The following ARNT variants were observed in gnomAD, a reference collection of about 807,000 sequenced individuals.
ARNT encodes the protein class E basic helix-loop-helix protein 2.
In ARNT, 30 loss-of-function variants were observed where a neutral mutation model predicts 105.0. The observed-to-expected ratio is 0.29, with a 90% confidence interval of 0.21 to 0.39. The LOEUF (loss-of-function observed/expected upper bound fraction) is 0.39. ARNT is among the 10% of genes least tolerant of loss of function. The pLI, the probability that ARNT is intolerant of heterozygous loss-of-function variation, is 1.00. For synonymous variants in ARNT, 304 were observed against 344.0 expected (o/e 0.88, Z 1.29); for missense variants, 748 against 978.7 (o/e 0.76, Z 3.15).
chr1:150,873,900 A>G (rs1049331528), intron 1 of ARNT, among the ~76,000 whole-genome samples: 6 of 152,032 alleles, frequency 3.9e-5, no homozygotes, highest in Non-Finnish European at 8.8e-5. Context: ...AGTCTGGGAG[A>G]CAGAGCAAGA....
In ARNT at chr1:150,833,108, T is replaced by C. The variant is rs114641696; in HGVS notation, c.804-709A>G. Among the ~76,000 whole-genome samples the C allele has an allele frequency of 3.7e-3, 567 of 152,302 alleles. 8 individuals carry two copies. Among genetic ancestry groups the C allele is most frequent in the African/African-American group, 0.013 (535 of 41,562 alleles). On this transcript the variant is annotated intron_variant, in intron 8 of 21. Transcript: ENST00000358595. The stretch of plus-strand genomic sequence containing the variant: ...ATGATGAAATCAAAGCACAATGTAG[T>C]CATGTAATCATCCAAGGTTTCAGAA...
Position 150,824,208 on chromosome 1 carries a change from C to T in ARNT, c.1243-863G>A, listed in dbSNP as rs116191890. On this transcript the variant is annotated intron_variant, in intron 13 of 21. Transcript: ENST00000358595. The stretch of plus-strand genomic sequence containing the variant: ...CATTTTTTGCCATTTAAAAAAATGG[C>T]AAAAAATCACAATTTCTTTTGCACC... Among the ~76,000 whole-genome samples, 1,264 of 150,990 alleles carry T rather than the reference C, an allele frequency of 8.4e-3. 25 individuals are homozygous for T. Among genetic ancestry groups the T allele is most frequent in the African/African-American group, 0.03 (1,218 of 41,192 alleles).
chr1:150,830,135 G>A, intron 10 of ARNT, 155 bp from the exon 11 acceptor site: 1 of 723,818 alleles, frequency 1.4e-6, no homozygotes, highest in Non-Finnish European at 2.2e-6. Context: ...AAGGTGGGCG[G>A]ATCACTTGAG....
chr1:150,839,783 C>G (rs1660952331), intron 5 of ARNT, 129 bp from the exon 6 acceptor site: 3 of 990,416 alleles, frequency 3.0e-6, no homozygotes, highest in Non-Finnish European at 4.4e-6. Flanking sequence ...GCTTAAGTCT[C>G]AGCAGTTAAA....
intron 21 of ARNT, 31 bp downstream of exon 21, chr1:150,813,141 C>T: frequency 1.9e-6 from 3 of 1,602,666 alleles, no homozygotes; most frequent in Middle Eastern, 1.7e-4. Flanking sequence ...CTCCCAGCTT[C>T]TAATTTTTGA....
At chr1:150,859,081 ATT>A (rs201410554) in intron 1 of ARNT, among the ~76,000 whole-genome samples, 1 of 130,964 alleles carries the variant, frequency 7.6e-6, no homozygotes, top group Non-Finnish European at 1.7e-5. Flanking sequence ...TAATATACTA[ATT>A]TTAAAAAAAT....
chr1:150,831,793 A>G, intron 10 of ARNT, 25 bp downstream of exon 10: 1 of 1,553,798 alleles, frequency 6.4e-7, no homozygotes, highest in South Asian at 1.1e-5. Context: ...ACCAAGGGGA[A>G]ATATTTACTA....
rs587762222 is a variant in ARNT, at chr1:150,847,412, C to A, written c.183-1105G>T. 1.4e-4 allele frequency among the ~76,000 whole-genome samples: 15 copies of A among 106,646 alleles called. No individual in the cohort carries two copies. In the East Asian group the frequency reaches 4.3e-3, roughly 31 times the overall value. The allele number at this position is 106,646 out of a possible 152,430, so 70.0% of individuals were successfully genotyped here. ...CACCACTGCATTTGTGGCAACAGAGCGAGACTCCGTCTCAAAAAAAAAAAA... is the reference window on the plus strand; with the variant it reads ...CACCACTGCATTTGTGGCAACAGAGAGAGACTCCGTCTCAAAAAAAAAAAA... On this transcript the variant is annotated intron_variant, in intron 3 of 21. Transcript: ENST00000358595.
intron 1 of ARNT, among the ~76,000 whole-genome samples, chr1:150,872,897 G>A (rs1490916139): frequency 6.6e-6 from 1 of 152,150 alleles, no homozygotes; most frequent in Non-Finnish European, 1.5e-5. Context: ...AGAAGGTCAA[G>A]GCTGCAGTGA....
intron 1 of ARNT, among the ~76,000 whole-genome samples, chr1:150,872,211 G>C (rs1048394250): frequency 4.6e-5 from 7 of 152,060 alleles, no homozygotes; most frequent in African/African-American, 1.7e-4. Context: ...GCCTGCCTCG[G>C]CCTCCCAAAG....
chr1:150,858,403 G>C lies in ARNT; in HGVS notation c.83C>G (p.Pro28Arg). 1 of 1,610,208 alleles carries C rather than the reference G, an allele frequency of 6.2e-7. No homozygotes were observed. The highest frequency in any genetic ancestry group is 8.5e-7 in the Non-Finnish European group (1 of 1,178,258). ...AATGGCTCCTCCACCTTGAATTCCA[G>C]GTCCAGAGTTTCCAGAGGCAATGGC... ...GPAIASGNSGPGIQGGGAIVQ... is the reference protein window; with the variant it reads ...GPAIASGNSGRGIQGGGAIVQ... Residue 28 changes from proline (P) to arginine (R), a missense_variant, in exon 2 of 22, where the codon CCT becomes CGT. Pro to Arg is a moderately radical substitution (Grantham distance 103). This residue lies in a region of ARNT where 93 missense variants were observed against 101.6 expected (regional missense o/e 0.92). Transcript: ENST00000358595.
At chr1:150,842,523 A>C in intron 4 of ARNT, 55 bp from the exon 5 acceptor site, 1 of 1,099,426 alleles carries the variant, frequency 9.1e-7, no homozygotes, top group Non-Finnish European at 1.3e-6. Context: ...GAAGGAAGGA[A>C]GGGGGGAGGG....
intron 2 of ARNT, among the ~76,000 whole-genome samples, chr1:150,857,652 G>A (rs1664872694): frequency 6.6e-6 from 1 of 152,068 alleles, no homozygotes; most frequent in African/African-American, 2.4e-5. Context: ...CATTCTTCCA[G>A]GCCCCTCTAA....
At chr1:150,827,369 G>C (rs1400440213) in intron 12 of ARNT, among the ~76,000 whole-genome samples, 1 of 152,096 alleles carries the variant, frequency 6.6e-6, no homozygotes, top group Admixed American at 6.6e-5. Flanking sequence ...CCACAAATCT[G>C]CTTTCTGCCT....
chr1:150,834,242 A>G (rs1270134029), intron 8 of ARNT, among the ~76,000 whole-genome samples: 1 of 152,150 alleles, frequency 6.6e-6, no homozygotes, highest in Non-Finnish European at 1.5e-5. Flanking sequence ...CACCTGGCCA[A>G]GTTCATTTCT....
intron 4 of ARNT, among the ~76,000 whole-genome samples, chr1:150,844,605 T>C (rs1243889759): frequency 1.3e-5 from 2 of 152,202 alleles, no homozygotes; most frequent in African/African-American, 4.8e-5. Flanking sequence ...TAACGAATTA[T>C]TCATCTTTCT....
chr1:150,812,316 C>T, intron 21 of ARNT, among the ~76,000 whole-genome samples: 1 of 152,090 alleles, frequency 6.6e-6, no homozygotes, highest in East Asian at 1.9e-4. Context: ...CCTACAGTTC[C>T]ACCTTTTTCC....
intron 2 of ARNT, among the ~76,000 whole-genome samples, chr1:150,855,497 G>T (rs896509411): frequency 6.6e-6 from 1 of 151,980 alleles, no homozygotes; most frequent in African/African-American, 2.4e-5. Context: ...AGGAGGCGGA[G>T]CTTGCAGTGA....
At chr1:150,833,717 A>C (rs1188047453) in intron 8 of ARNT, among the ~76,000 whole-genome samples, 1 of 149,236 alleles carries the variant, frequency 6.7e-6, no homozygotes, top group Non-Finnish European at 1.5e-5. Context: ...CCTAAAACGT[A>C]CAGTATATAA....
Sources: gnomAD v4.1 joint callset for allele counts (sites outside exome capture counted in the v4.1 genomes callset) on GRCh38, gnomAD v4.1.1 for gene constraint, gnomAD v4.1.1 regional missense constraint, MANE v1.5 for transcripts, NCBI Gene and HGNC (gene_info 2026-07-23, HGNC 2026-07-21) for gene names.